Variants in GALNT10 observed in about 807,000 individuals in gnomAD.
The protein encoded by GALNT10 is GalNAc transferase 10.
GALNT10 carries 41 observed loss-of-function variants against 75.0 expected under a neutral mutation model. That is an observed-to-expected ratio of 0.55 (90% CI 0.43 to 0.71). The LOEUF is 0.71. GALNT10 is among the 30% of genes least tolerant of loss of function. GALNT10 has a pLI of 0.00. For synonymous variants in GALNT10, 302 were observed against 313.0 expected (o/e 0.96, Z 0.37); for missense variants, 727 against 818.5 (o/e 0.89, Z 1.36).
chr5:154,374,652 G>A (rs1288640023), intron 4 of GALNT10, among the ~76,000 whole-genome samples: 1 of 152,230 alleles, frequency 6.6e-6, no homozygotes, highest in Non-Finnish European at 1.5e-5. Flanking sequence ...CCAGAAGTGA[G>A]TTTAAGTCAC....
rs76933658 is a variant in GALNT10, at chr5:154,313,660, A to G, written c.401+15581A>G. Among the ~76,000 whole-genome samples the G allele has an allele frequency of 4.6e-5, 7 of 152,342 alleles. No individual in the cohort carries two copies. In the East Asian group the frequency reaches 9.6e-4, roughly 21 times the overall value. ...ATGTCAGCCTTGGCACACGTTGTCAAGTAATCTTTTGGGTCCTTTTATTCC... is the reference window on the plus strand; with the variant it reads ...ATGTCAGCCTTGGCACACGTTGTCAGGTAATCTTTTGGGTCCTTTTATTCC... On this transcript the variant is annotated intron_variant, in intron 3 of 11. Transcript: ENST00000297107.
intron 1 of GALNT10, among the ~76,000 whole-genome samples, chr5:154,290,671 C>T (rs1208970657): frequency 1.3e-5 from 2 of 152,110 alleles, no homozygotes; most frequent in Non-Finnish European, 2.9e-5. Context: ...AGTGCTGTCT[C>T]CATTTTCCAG....
At chr5:154,339,223 A>G (rs1754990675) in intron 4 of GALNT10, among the ~76,000 whole-genome samples, 1 of 152,122 alleles carries the variant, frequency 6.6e-6, no homozygotes, top group Non-Finnish European at 1.5e-5. Flanking sequence ...CATCCCCACA[A>G]TGGGCTCAGT....
intron 4 of GALNT10, among the ~76,000 whole-genome samples, chr5:154,336,531 G>A (rs1581979921): frequency 6.6e-6 from 1 of 152,302 alleles, no homozygotes; most frequent in African/African-American, 2.4e-5. Flanking sequence ...GTCAATAGCT[G>A]CTTAGTGGTC....
Position 154,376,611 on chromosome 5 carries a change from A to G in GALNT10, c.754+149A>G. 1 of 566,256 alleles carries G rather than the reference A, an allele frequency of 1.8e-6. No individual in the cohort carries two copies. The allele number at this position is 566,256 out of a possible 1,614,324, so 35.1% of individuals were successfully genotyped here. ...TGCCAGGTGCCATGAGGGATTCAGA[A>G]GTTCAGGAGTGCTCAAAATTAAAAT... is the stretch of plus-strand genomic sequence containing the variant. On this transcript the variant is annotated intron_variant, in intron 5 of 11. Coordinates refer to ENST00000297107, the MANE Select transcript of GALNT10 (RefSeq NM_198321.4). This position sits in a 1 kb window ranked among gnomAD's most constrained non-coding sequence, Gnocchi z 4.1.
intron 3 of GALNT10, among the ~76,000 whole-genome samples, chr5:154,300,794 G>A (rs2113082179): frequency 6.6e-6 from 1 of 152,302 alleles, no homozygotes; most frequent in East Asian, 1.9e-4. Context: ...ATAGGGTTGG[G>A]CACAGGGTGC....
At chr5:154,414,553 C>T (rs1192413879) in intron 10 of GALNT10, among the ~76,000 whole-genome samples, 1 of 152,070 alleles carries the variant, frequency 6.6e-6, no homozygotes, top group African/African-American at 2.4e-5. Context: ...AAACAGAAAG[C>T]AGATCAGTGG....
At chr5:154,324,440 C>A (rs949595366) in intron 3 of GALNT10, among the ~76,000 whole-genome samples, 1 of 152,228 alleles carries the variant, frequency 6.6e-6, no homozygotes, top group African/African-American at 2.4e-5. Flanking sequence ...GCCAGGGGCT[C>A]ACATGCAGCC....
intron 4 of GALNT10, among the ~76,000 whole-genome samples, chr5:154,344,926 C>G (rs1436581571): frequency 6.6e-6 from 1 of 152,150 alleles, no homozygotes; most frequent in Non-Finnish European, 1.5e-5. Flanking sequence ...CCAGGCATAG[C>G]CCTGACAAGC....
chr5:154,297,556 A>G (rs1161227252), intron 2 of GALNT10, among the ~76,000 whole-genome samples: 1 of 152,194 alleles, frequency 6.6e-6, no homozygotes, highest in African/African-American at 2.4e-5. Flanking sequence ...ATCAGCTCAC[A>G]GATGGTGGAC....
At chr5:154,296,786 A>G (rs184408337) in intron 2 of GALNT10, among the ~76,000 whole-genome samples, 65 of 152,246 alleles carry the variant, frequency 4.3e-4, no homozygotes, top group Non-Finnish European at 7.1e-4. Flanking sequence ...CTCCCTGAGC[A>G]AACACTTCTG....
Position 154,352,607 on chromosome 5 carries a change from C to G in GALNT10, c.568+22869C>G, listed in dbSNP as rs1015783287. 2.0e-5 allele frequency among the ~76,000 whole-genome samples: 3 copies of G among 152,150 alleles called. No homozygotes were observed. Among genetic ancestry groups the G allele is most frequent in the Admixed American group, 6.5e-5 (1 of 15,268 alleles). ...GGCTGGGTGGGCCCCAGGTACCTACCACTGCTTTCTACCATCTTGCCCCCA... is the reference window on the plus strand; with the variant it reads ...GGCTGGGTGGGCCCCAGGTACCTACGACTGCTTTCTACCATCTTGCCCCCA... On this transcript the variant is annotated intron_variant, in intron 4 of 11. Coordinates refer to ENST00000297107, the MANE Select transcript of GALNT10 (RefSeq NM_198321.4). The surrounding 1 kb of genome is among the most constrained non-coding windows in gnomAD (Gnocchi z 4.4).
intron 4 of GALNT10, among the ~76,000 whole-genome samples, chr5:154,339,732 G>T (rs752640395): frequency 2.0e-5 from 3 of 152,188 alleles, no homozygotes; most frequent in Non-Finnish European, 4.4e-5. Flanking sequence ...TAAAAACTTG[G>T]TGCAGTAAGA....
intron 4 of GALNT10, among the ~76,000 whole-genome samples, chr5:154,344,209 C>CTTTCT (rs1755083095): frequency 2.8e-5 from 1 of 35,510 alleles, no homozygotes; most frequent in Non-Finnish European, 7.4e-5. Flanking sequence ...TTCTTTCTTT[C>CTTTCT]TTTTTTTTTT....
At chr5:154,232,614 C>G (rs1753165882) in intron 1 of GALNT10, among the ~76,000 whole-genome samples, 1 of 152,138 alleles carries the variant, frequency 6.6e-6, no homozygotes, top group Admixed American at 6.5e-5. Flanking sequence ...ATATGAGGGT[C>G]AGGTTGTGAT....
chr5:154,307,197 A>G (rs971088951), intron 3 of GALNT10, among the ~76,000 whole-genome samples: 3 of 152,264 alleles, frequency 2.0e-5, no homozygotes, highest in African/African-American at 7.2e-5. Context: ...CTTAAGGAGA[A>G]ACGATCAACC....
chr5:154,253,989 A>C (rs1561641903), intron 1 of GALNT10, among the ~76,000 whole-genome samples: 2 of 151,928 alleles, frequency 1.3e-5, no homozygotes, highest in Non-Finnish European at 2.9e-5. Flanking sequence ...CTCACCCATT[A>C]CTGCATTGGG....
At chr5:154,356,348 G>A (rs1298193528) in intron 4 of GALNT10, 1 of 390,090 alleles carries the variant, frequency 2.6e-6, no homozygotes, top group East Asian at 7.4e-5. Context: ...CAAGGAGACA[G>A]TGAAGCAGGG....
At chr5:154,338,317 C>G in intron 4 of GALNT10, 1 of 556,484 alleles carries the variant, frequency 1.8e-6, no homozygotes, top group Non-Finnish European at 3.3e-6. Flanking sequence ...TGACCATTCC[C>G]CATTGCTCAA....
Sources: allele counts gnomAD v4.1 joint callset (sites outside exome capture counted in the v4.1 genomes callset), GRCh38; gene constraint gnomAD v4.1.1; non-coding constraint Gnocchi (gnomAD v3.1); transcripts MANE v1.5; gene names NCBI Gene and HGNC (gene_info 2026-07-23, HGNC 2026-07-21).